The following KCNK5 variants were observed in gnomAD, a reference collection of about 807,000 sequenced individuals.
KCNK5 encodes potassium channel subfamily K member 5.
KCNK5 carries 18 observed loss-of-function variants against 32.9 expected under a neutral mutation model. The ratio of observed to expected loss-of-function variants is 0.55; its 90% CI spans 0.38 to 0.81. KCNK5 has a LOEUF of 0.81. Ranked by LOEUF, KCNK5 falls within the 30% of genes least tolerant of loss-of-function variation. The pLI, the probability that KCNK5 is intolerant of heterozygous loss-of-function variation, is 0.00. For synonymous variants in KCNK5, 276 were observed against 275.3 expected, an observed-to-expected ratio of 1.00 and a Z score of -0.03; for missense variants, 507 against 651.0, an observed-to-expected ratio of 0.78 and a Z score of 2.41.
intron 1 of KCNK5, among the ~76,000 whole-genome samples, chr6:39,226,876 T>C (rs987579565): frequency 1.3e-5 from 2 of 152,146 alleles, no homozygotes; most frequent in East Asian, 3.8e-4. Context: ...GACAGGGCTG[T>C]CCTTGTTCAA....
At chr6:39,220,104 C>A (rs560722366) in intron 1 of KCNK5, among the ~76,000 whole-genome samples, 1 of 152,234 alleles carries the variant, frequency 6.6e-6, no homozygotes, top group Non-Finnish European at 1.5e-5. Flanking sequence ...GTGTCCTCCC[C>A]ACCCAGTGTG....
rs372515646 is a variant in KCNK5, at chr6:39,196,609, AG to A, written c.187-623del. On this transcript the variant is annotated intron_variant, in intron 1 of 4. Transcript: ENST00000359534. ...CAGTGCCCTGTTGACTTGTCCTCGG[AG>A]GGCATGCAAATCAGCAGGTCCTCCT... Among the ~76,000 whole-genome samples the A allele has an allele frequency of 1.2e-3, 185 of 152,274 alleles. 3 individuals are homozygous for A. Among genetic ancestry groups the A allele is most frequent in the African/African-American group, 4.0e-3 (165 of 41,562 alleles).
In KCNK5 at chr6:39,189,213, G is replaced by GCACA. The variant is rs1300691791; in HGVS notation, c.*1676_*1677insTGTG. 1 of 152,260 alleles carries GCACA rather than the reference G, an allele frequency of 6.6e-6. No homozygotes were observed. The highest frequency in any genetic ancestry group is 1.5e-5 in the Non-Finnish European group (1 of 68,066). The allele number at this position is 152,260 out of a possible 1,614,324, so 9.4% of individuals were successfully genotyped here. Reference sequence around the variant, plus strand: ...GCCCATCACTGTCTTCACATGTTGGGGAGGTGGGCTCTGGCCCCACTGCCC... The same window carrying GCACA: ...GCCCATCACTGTCTTCACATGTTGGGCACAGAGGTGGGCTCTGGCCCCACTGCCC... On this transcript the variant is annotated 3_prime_UTR_variant, in exon 5 of 5. Transcript: ENST00000359534.
intron 1 of KCNK5, among the ~76,000 whole-genome samples, chr6:39,222,090 C>G (rs957394862): frequency 6.6e-6 from 1 of 152,156 alleles, no homozygotes; most frequent in Non-Finnish European, 1.5e-5. Context: ...AGCCTAGAGG[C>G]CTTAGGCAGC....
intron 1 of KCNK5, among the ~76,000 whole-genome samples, chr6:39,204,013 C>T (rs1450620439): frequency 6.6e-6 from 1 of 152,200 alleles, no homozygotes; most frequent in African/African-American, 2.4e-5. Flanking sequence ...GTGGTGCCAC[C>T]CTGATACCTG....
rs1483409597 is a variant in KCNK5 at position 39,191,071 on chromosome 6, T to C, written c.1319A>G (p.Glu440Gly). The C allele has an allele frequency of 1.2e-5, 19 of 1,613,740 alleles. No individual in the cohort carries two copies. Among genetic ancestry groups the C allele is most frequent in the Non-Finnish European group, 1.5e-5 (18 of 1,179,930 alleles). Residue 440 changes from glutamate to glycine, a missense_variant, in exon 5 of 5, where the codon GAG (glutamate) becomes GGG (glycine). By Grantham distance (98) the Glu-to-Gly change is moderately conservative. This residue lies in a region of KCNK5 where 252 missense variants were observed against 250.8 expected (regional missense o/e 1.00). Coordinates refer to ENST00000359534, the MANE Select transcript of KCNK5 (RefSeq NM_003740.4). This position sits in a 1 kb window ranked among gnomAD's most constrained non-coding sequence, Gnocchi z 5.8. Reference protein sequence around the residue: ...SDEETSKSSLEDNLAGEESPQ... With the variant: ...SDEETSKSSLGDNLAGEESPQ... ...GCTCTCCTCCCCTGCCAAGTTGTCC[T>C]CTAGCGAGGACTTGGAGGTCTCCTC...
intron 1 of KCNK5, among the ~76,000 whole-genome samples, chr6:39,215,571 T>C (rs1412140435): frequency 6.6e-6 from 1 of 151,980 alleles, no homozygotes; most frequent in Non-Finnish European, 1.5e-5. Flanking sequence ...AAAATAAACA[T>C]CCATAAAGGG....
intron 1 of KCNK5, among the ~76,000 whole-genome samples, chr6:39,219,991 A>T (rs958755391): frequency 6.6e-6 from 1 of 152,260 alleles, no homozygotes; most frequent in Non-Finnish European, 1.5e-5. Flanking sequence ...AAAGTAGAAC[A>T]CAGGTTAGAA....
intron 1 of KCNK5, among the ~76,000 whole-genome samples, chr6:39,227,241 T>C (rs1771690195): frequency 6.6e-6 from 1 of 151,974 alleles, no homozygotes; most frequent in South Asian, 2.1e-4. Flanking sequence ...AGGGAAACAC[T>C]TCGAGGGCAG....
In KCNK5 at chr6:39,191,415, T is replaced by G; in HGVS notation, c.975A>C (p.Pro325=). The G allele has an allele frequency of 6.2e-7, 1 of 1,613,036 alleles. No individual in the cohort carries two copies. The highest frequency in any genetic ancestry group is 1.1e-5 in the South Asian group (1 of 91,074). The change falls in exon 5 of 5, where the codon CCA becomes CCC. Residue 325 remains proline, a synonymous_variant. Coordinates refer to ENST00000359534, the MANE Select transcript of KCNK5 (RefSeq NM_003740.4). This position sits in a 1 kb window ranked among gnomAD's most constrained non-coding sequence, Gnocchi z 5.8. The part of the protein sequence containing the change: ...TSGGGETGPG[P]GLGPQGGGLP... ...GCCCACCGCCTTGAGGCCCCAGCCCTGGGCCCGGGCCCGTCTCCCCACCCC... is the reference window on the plus strand; with the variant it reads ...GCCCACCGCCTTGAGGCCCCAGCCCGGGGCCCGGGCCCGTCTCCCCACCCC...
chr6:39,207,473 C>A (rs984674263), intron 1 of KCNK5, among the ~76,000 whole-genome samples: 4 of 152,188 alleles, frequency 2.6e-5, no homozygotes, highest in African/African-American at 9.7e-5. Context: ...GCAGGGAGCC[C>A]AGACAGGTGC....
intron 1 of KCNK5, among the ~76,000 whole-genome samples, chr6:39,217,516 C>A (rs935091558): frequency 1.3e-5 from 2 of 152,194 alleles, no homozygotes. Flanking sequence ...TCCCTAATTG[C>A]CCCCACTTAG....
chr6:39,207,224 G>A (rs1771243521), intron 1 of KCNK5, among the ~76,000 whole-genome samples: 1 of 152,136 alleles, frequency 6.6e-6, no homozygotes, highest in African/African-American at 2.4e-5. Flanking sequence ...TCCCGCTCCC[G>A]CTCCTCACCT....
At position 39,191,822 on chromosome 6, in the gene KCNK5, T is replaced by G; in HGVS notation, c.635-67A>C. ...GGCCCGGGAAATGTGCAATGGCCAA[T>G]GCTGTGTGATCTGAGCAGGGGTCAG... On this transcript the variant is annotated intron_variant, in intron 4 of 4. Coordinates refer to ENST00000359534, the MANE Select transcript of KCNK5 (RefSeq NM_003740.4). This position sits in a 1 kb window ranked among gnomAD's most constrained non-coding sequence, Gnocchi z 5.8. The G allele has an allele frequency of 6.5e-7, 1 of 1,528,962 alleles. No individual in the cohort carries two copies. The highest frequency in any genetic ancestry group is 8.9e-7 in the Non-Finnish European group (1 of 1,124,078). 94.7% of individuals were successfully genotyped at this position (1,528,962 alleles called of 1,614,324 possible). A position where few individuals can be genotyped will look rare whatever the true frequency, so the allele number is the denominator to read the frequency against.
intron 1 of KCNK5, 27 bp downstream of exon 1, chr6:39,228,899 T>C (rs771502090): frequency 1.2e-6 from 2 of 1,611,720 alleles, no homozygotes; most frequent in Non-Finnish European, 1.7e-6. Flanking sequence ...GCTTCAGATG[T>C]ATATGGGGGT....
intron 1 of KCNK5, among the ~76,000 whole-genome samples, chr6:39,218,279 C>A (rs1771475145): frequency 6.6e-6 from 1 of 152,066 alleles, no homozygotes; most frequent in South Asian, 2.1e-4. Context: ...CTGTGTTGGC[C>A]AGGCTGGTCT....
At chr6:39,207,202 A>G (rs1054722703) in intron 1 of KCNK5, among the ~76,000 whole-genome samples, 1 of 152,206 alleles carries the variant, frequency 6.6e-6, no homozygotes, top group African/African-American at 2.4e-5. Context: ...CACCTGGAAT[A>G]TTAAGCCTCC....
intron 1 of KCNK5, among the ~76,000 whole-genome samples, chr6:39,203,999 C>T (rs1040145492): frequency 3.3e-5 from 5 of 152,210 alleles, no homozygotes; most frequent in Non-Finnish European, 7.3e-5. Flanking sequence ...TTGGCAAGGG[C>T]CCAGTGGTGC....
chr6:39,207,025 C>T (rs1389998954), intron 1 of KCNK5, among the ~76,000 whole-genome samples: 4 of 152,170 alleles, frequency 2.6e-5, no homozygotes, highest in Non-Finnish European at 4.4e-5. Flanking sequence ...GGGAGCTGGG[C>T]TAGGTGTTGA....
Sources: gnomAD v4.1 joint callset for allele counts (sites outside exome capture counted in the v4.1 genomes callset) on GRCh38, gnomAD v4.1.1 for gene constraint, gnomAD v4.1.1 regional missense constraint, Gnocchi (gnomAD v3.1) non-coding constraint, MANE v1.5 for transcripts, NCBI Gene and HGNC (gene_info 2026-07-23, HGNC 2026-07-21) for gene names.